The following ABITRAM variants were observed in gnomAD, a reference collection of about 807,000 sequenced individuals.
The protein encoded by ABITRAM is actin binding transcription modulator.
In ABITRAM, 19 loss-of-function variants were observed where a neutral mutation model predicts 22.9. The ratio of observed to expected loss-of-function variants is 0.83; its 90% CI spans 0.58 to 1.22. ABITRAM has a LOEUF of 1.22. Among genes scored for constraint, ABITRAM ranks in the 50% most tolerant of loss-of-function variants. The pLI, the probability that ABITRAM is intolerant of heterozygous loss-of-function variation, is 0.00. For missense variants in ABITRAM, 215 were observed against 220.2 expected (o/e 0.98, Z 0.15); for synonymous variants, 70 against 73.9 (o/e 0.95, Z 0.27).
At chr9:108,945,758 A>G (rs1830386832), downstream of ABITRAM, among the ~76,000 whole-genome samples, 1 of 152,040 alleles carries the variant, frequency 6.6e-6, no homozygotes, top group African/African-American at 2.4e-5. Context: ...TACAGGAGTG[A>G]GCCATTGTGC....
At chr9:108,936,207 G>A (rs1587934177) in intron 2 of ABITRAM, 101 bp from the exon 3 acceptor site, 1 of 1,339,774 alleles carries the variant, frequency 7.5e-7, no homozygotes, top group East Asian at 2.3e-5. Flanking sequence ...ATGATAGTTT[G>A]ACTAAACAAA....
chr9:108,948,129 A>T, intron 3 of ABITRAM: 1 of 1,565,654 alleles, frequency 6.4e-7, no homozygotes, highest in Non-Finnish European at 8.8e-7. Flanking sequence ...GAAAACATTT[A>T]TTACCCACTT....
intron 3 of ABITRAM, among the ~76,000 whole-genome samples, chr9:108,949,130 G>A (rs1431203130): frequency 1.3e-5 from 2 of 152,118 alleles, no homozygotes; most frequent in East Asian, 1.9e-4. Flanking sequence ...ACCTTAAACA[G>A]TAACCTGAAG....
rs1830235600 is a variant in ABITRAM, at chr9:108,939,841, CTTCATAATGAGCCTTGGTT to C, written c.*156_*174del. 8.5e-6 allele frequency: 7 copies of C among 825,028 alleles called. No homozygotes were observed. The Admixed American group carries it at 9.2e-5, about 11-fold the overall frequency. 51.1% of individuals were successfully genotyped at this position (825,028 alleles called of 1,614,324 possible). On this transcript the variant is annotated 3_prime_UTR_variant, in exon 6 of 6. Coordinates refer to ENST00000322940, the MANE Select transcript of ABITRAM (RefSeq NM_017832.4). ...GCTTCACTTAGTTTTCCCTCTCTGTCTTCATAATGAGCCTTGGTTCCCATTTGTCTACAGCCTGCCAGAT... is the reference window on the plus strand; with the variant it reads ...GCTTCACTTAGTTTTCCCTCTCTGTCCCCATTTGTCTACAGCCTGCCAGAT...
In ABITRAM at chr9:108,940,692, T is replaced by TA; in HGVS notation, c.*1007dup. ...ATTCTTGAAATATGCACATTATAGTTACTCAGTCTCACATACTCTAGTTAC... is the reference window on the plus strand; with the variant it reads ...ATTCTTGAAATATGCACATTATAGTTAACTCAGTCTCACATACTCTAGTTAC... On this transcript the variant is annotated 3_prime_UTR_variant, in exon 6 of 6. Coordinates refer to ENST00000322940, the MANE Select transcript of ABITRAM (RefSeq NM_017832.4). 1 of 152,320 alleles carries TA rather than the reference T, an allele frequency of 6.6e-6. No individual in the cohort carries two copies. 9.4% of individuals were successfully genotyped at this position (152,320 alleles called of 1,614,324 possible).
chr9:108,950,036 A>C (rs909950216), intron 3 of ABITRAM, among the ~76,000 whole-genome samples: 4 of 151,950 alleles, frequency 2.6e-5, no homozygotes, highest in Non-Finnish European at 5.9e-5. Context: ...AAAAAAAAAA[A>C]AAAAAACCAG....
chr9:108,934,490 G>T lies in ABITRAM; in HGVS notation c.4G>T (p.Ala2Ser), dbSNP rs1427330892. The T allele has an allele frequency of 2.5e-6, 4 of 1,602,272 alleles. No individual in the cohort carries two copies. The highest frequency in any genetic ancestry group is 3.4e-6 in the Non-Finnish European group (4 of 1,175,780). Residue 2 changes from alanine (A) to serine (S), a missense_variant, in exon 1 of 6, where the codon GCT becomes TCT. Coordinates refer to ENST00000322940, the MANE Select transcript of ABITRAM (RefSeq NM_017832.4). ...GGTGGCGGCGCCGGAGGTCGCCATG[G>T]CTACCGAGCCCGAAGCCGCGGAGCC... is the stretch of plus-strand genomic sequence containing the variant. M[A>S]TEPEAAEPVV...
In ABITRAM at chr9:108,940,276, C is replaced by T. The variant is rs774325343; in HGVS notation, c.*590C>T. 6.6e-6 allele frequency: 1 copy of T among 152,230 alleles called. No homozygotes were observed. Among genetic ancestry groups the T allele is most frequent in the Admixed American group, 6.5e-5 (1 of 15,270 alleles). 9.4% of individuals were successfully genotyped at this position (152,230 alleles called of 1,614,324 possible). A position where few individuals can be genotyped will look rare whatever the true frequency, so the allele number is the denominator to read the frequency against. ...ATATGTGGAAGTTCCTGGAACCAAT[C>T]CCCTATGTAAACCAAGGGATAACTA... On this transcript the variant is annotated 3_prime_UTR_variant, in exon 6 of 6. Coordinates refer to ENST00000322940, the MANE Select transcript of ABITRAM (RefSeq NM_017832.4).
chr9:108,938,623 C>G (rs1250586206), intron 3 of ABITRAM, among the ~76,000 whole-genome samples: 1 of 143,980 alleles, frequency 6.9e-6, no homozygotes, highest in Non-Finnish European at 1.5e-5. Flanking sequence ...CCTCAAAGTG[C>G]ATGTTTTTGT....
At chr9:108,943,880 A>G, downstream of ABITRAM, 1 of 1,597,712 alleles carries the variant, frequency 6.3e-7, no homozygotes, top group Non-Finnish European at 8.6e-7. Flanking sequence ...TACCTTAAAC[A>G]CATTTATACA....
downstream of ABITRAM, chr9:108,942,766 T>G: frequency 6.3e-7 from 1 of 1,594,330 alleles, no homozygotes; most frequent in Non-Finnish European, 8.6e-7. Context: ...CCCCAAAAGC[T>G]TCTCAAGTTT....
downstream of ABITRAM, among the ~76,000 whole-genome samples, chr9:108,944,601 A>T (rs1052426281): frequency 4.6e-5 from 7 of 152,222 alleles, no homozygotes; most frequent in Non-Finnish European, 1.0e-4. Context: ...AGAGTGAAAA[A>T]GAAGGTTGTA....
downstream of ABITRAM, chr9:108,944,057 T>C: frequency 6.5e-7 from 1 of 1,534,056 alleles, no homozygotes; most frequent in African/African-American, 1.4e-5. Flanking sequence ...TAGACTGATG[T>C]CTATGGATAG....
At position 108,939,202 on chromosome 9, in the gene ABITRAM, C is replaced by G; in HGVS notation, c.268C>G (p.Gln90Glu). 1 of 1,613,588 alleles carries G rather than the reference C, an allele frequency of 6.2e-7. No individual in the cohort carries two copies. Among genetic ancestry groups the G allele is most frequent in the Non-Finnish European group, 8.5e-7 (1 of 1,179,814 alleles). Reference sequence around the variant, plus strand: ...CTTCCGTCTCATTACACAGGGGGCACAGTTTCTAACAGAGCTTGCACCTCT... The same window carrying G: ...CTTCCGTCTCATTACACAGGGGGCAGAGTTTCTAACAGAGCTTGCACCTCT... The part of the protein sequence containing the change: ...KVSGKFKRGA[Q>E]FLTELAPLCK... Residue 90 changes from glutamine (Q) to glutamate (E), a missense_variant, in exon 4 of 6, where the codon CAG becomes GAG. By Grantham distance (29) the Gln-to-Glu change is conservative (BLOSUM62 2). Transcript: ENST00000322940.
In ABITRAM at chr9:108,950,506, G is replaced by C. The variant is rs1388955340; in HGVS notation, c.262-1G>C. On this transcript the variant is annotated splice_acceptor_variant, in intron 3 of 3. Coordinates refer to the ABITRAM transcript ENST00000374624. LOFTEE classifies it high-confidence loss of function. ...CTATCATTTCTGCCTTCTTTTTCCAGAGAATTATCTATCTAGAAAAGGTAG... is the reference window on the plus strand; with the variant it reads ...CTATCATTTCTGCCTTCTTTTTCCACAGAATTATCTATCTAGAAAAGGTAG... The C allele has an allele frequency of 1.3e-6, 2 of 1,547,942 alleles. No homozygotes were observed. Among genetic ancestry groups the C allele is most frequent in the Admixed American group, 4.0e-5 (2 of 50,238 alleles).
Position 108,939,721 on chromosome 9 carries a change from T to C in ABITRAM, c.*35T>C. On this transcript the variant is annotated 3_prime_UTR_variant, in exon 6 of 6. Transcript: ENST00000322940. ...TGGAACAAAAAGCAAAGTGGGATTC[T>C]TGTTACCTGGCCTAAACCATCAGGG... 1 of 1,609,752 alleles carries C rather than the reference T, an allele frequency of 6.2e-7. No homozygotes were observed. Among genetic ancestry groups the C allele is most frequent in the Non-Finnish European group, 8.5e-7 (1 of 1,177,736 alleles).
downstream of ABITRAM, chr9:108,942,671 T>G (rs1468191353): frequency 2.9e-5 from 25 of 873,504 alleles, no homozygotes; most frequent in Non-Finnish European, 4.5e-5. Context: ...GTTTTCTTTA[T>G]AAAATTGATG....
At chr9:108,948,186 C>T (rs1453605545) in intron 3 of ABITRAM, 3 of 1,611,692 alleles carry the variant, frequency 1.9e-6, no homozygotes, top group African/African-American at 1.3e-5. Flanking sequence ...CAAGGCATAC[C>T]TCTAGTTGAT....
chr9:108,942,974 T>C, downstream of ABITRAM: 1 of 1,612,976 alleles, frequency 6.2e-7, no homozygotes, highest in Non-Finnish European at 8.5e-7. Flanking sequence ...CTTCAGCAGT[T>C]TATAACAAAG....
Sources: allele counts gnomAD v4.1 joint callset (sites outside exome capture counted in the v4.1 genomes callset), GRCh38; gene constraint gnomAD v4.1.1; transcripts MANE v1.5; gene names NCBI Gene and HGNC (gene_info 2026-07-23, HGNC 2026-07-21).